The following PSMB2 variants were observed in gnomAD, a reference collection of about 807,000 sequenced individuals.
PSMB2 encodes proteasome subunit beta type-2.
A neutral mutation model predicts 25.7 loss-of-function variants in PSMB2; 13 were observed. The ratio of observed to expected loss-of-function variants is 0.51; its 90% CI spans 0.33 to 0.80. PSMB2 has a LOEUF of 0.80. Among genes scored for constraint, PSMB2 ranks in the 30% least tolerant of loss-of-function variants. The pLI is 0.02. For synonymous variants in PSMB2, 87 were observed against 96.2 expected, an observed-to-expected ratio of 0.90 and a Z score of 0.56; for missense variants, 202 against 259.0, an observed-to-expected ratio of 0.78 and a Z score of 1.51.
chr1:35,616,684 A>T (rs1252259006), intron 3 of PSMB2, among the ~76,000 whole-genome samples: 1 of 152,252 alleles, frequency 6.6e-6, no homozygotes, highest in East Asian at 1.9e-4. Flanking sequence ...CCAACACCTT[A>T]ACTGCTTTGC....
At chr1:35,628,573 T>C (rs1444629393) in intron 3 of PSMB2, among the ~76,000 whole-genome samples, 1 of 28,000 alleles carries the variant, frequency 3.6e-5, no homozygotes, top group Non-Finnish European at 6.0e-5. Context: ...ATGACTTTCT[T>C]GGAAGAAAAA....
chr1:35,619,603 A>T (rs903455659), intron 3 of PSMB2, among the ~76,000 whole-genome samples: 2 of 152,240 alleles, frequency 1.3e-5, no homozygotes, highest in African/African-American at 4.8e-5. Context: ...AACCAAAAAA[A>T]TTTAAATATT....
intron 3 of PSMB2, among the ~76,000 whole-genome samples, chr1:35,617,829 A>T (rs1464384923): frequency 6.6e-6 from 1 of 152,180 alleles, no homozygotes; most frequent in Non-Finnish European, 1.5e-5. Context: ...CTCCTAAAGA[A>T]TATTTACATT....
At position 35,631,625 on chromosome 1, in the gene PSMB2, C is replaced by A. The variant is rs552806458; in HGVS notation, c.215-281G>T. The A allele has an allele frequency of 3.8e-5, 21 of 558,150 alleles. No individual in the cohort carries two copies. The East Asian group carries it at 1.1e-3, about 29-fold the overall frequency. The allele number at this position is 558,150 out of a possible 1,614,324, so 34.6% of individuals were successfully genotyped here. On this transcript the variant is annotated intron_variant, in intron 2 of 5. Transcript: ENST00000373237. ...TGCTTAAACTATTCATTCATCAACA[C>A]ACTGTGGTTTCTGCCGTAGAAGGAA... is the stretch of plus-strand genomic sequence containing the variant.
chr1:35,611,020 C>T (rs1650314111), intron 3 of PSMB2, among the ~76,000 whole-genome samples: 1 of 152,072 alleles, frequency 6.6e-6, no homozygotes, highest in Non-Finnish European at 1.5e-5. Flanking sequence ...GCGCCATTTA[C>T]CATGTTAAAT....
At chr1:35,607,882 T>C (rs1018533656) in intron 4 of PSMB2, among the ~76,000 whole-genome samples, 1 of 152,152 alleles carries the variant, frequency 6.6e-6, no homozygotes, top group Non-Finnish European at 1.5e-5. Context: ...AAGGAAATAC[T>C]GTCATTCAAC....
At position 35,603,197 on chromosome 1, in the gene PSMB2, A is replaced by G. The variant is rs1232353686; in HGVS notation, c.*70T>C. On this transcript the variant is annotated 3_prime_UTR_variant, in exon 6 of 6. Transcript: ENST00000373237. ...AACCATTTATCAAGAGTGCGCCTGAAAAGAGTAGAAAAAAATAAAGGAGCC... is the reference window on the plus strand; with the variant it reads ...AACCATTTATCAAGAGTGCGCCTGAGAAGAGTAGAAAAAAATAAAGGAGCC... 8.3e-6 allele frequency: 13 copies of G among 1,568,736 alleles called. No homozygotes were observed. The highest frequency in any genetic ancestry group is 1.1e-5 in the Non-Finnish European group (13 of 1,163,246).
chr1:35,632,926 T>TA (rs1321598130), intron 2 of PSMB2, among the ~76,000 whole-genome samples: 10 of 149,882 alleles, frequency 6.7e-5, no homozygotes, highest in African/African-American at 2.5e-4. Context: ...AATAATAATT[T>TA]AAAAAAAGAG....
At chr1:35,630,452 G>A (rs546125485) in intron 3 of PSMB2, among the ~76,000 whole-genome samples, 5 of 152,282 alleles carry the variant, frequency 3.3e-5, no homozygotes, top group Admixed American at 6.5e-5. Context: ...TCCTTCAGTA[G>A]GTGAATGGAT....
intron 1 of PSMB2, among the ~76,000 whole-genome samples, chr1:35,637,202 C>A (rs1419331811): frequency 6.6e-6 from 1 of 152,138 alleles, no homozygotes; most frequent in Non-Finnish European, 1.5e-5. Context: ...ATGAAAAGGA[C>A]TGGTGCTATA....
Position 35,601,302 on chromosome 1 carries a change from C to T in PSMB2, c.*1965G>A, listed in dbSNP as rs193299800. 35 of 886,980 alleles carry T rather than the reference C, an allele frequency of 3.9e-5. 1 individual carries two copies. In the East Asian group the frequency reaches 2.3e-3, roughly 58 times the overall value. 54.9% of individuals were successfully genotyped at this position (886,980 alleles called of 1,614,324 possible). ...GCCAGGCTGGTCTTGAACTCCTGACCTCAGGTGATCCGCCCGCCTCGGCGG... is the reference window on the plus strand; with the variant it reads ...GCCAGGCTGGTCTTGAACTCCTGACTTCAGGTGATCCGCCCGCCTCGGCGG... On this transcript the variant is annotated 3_prime_UTR_variant, in exon 6 of 6. Transcript: ENST00000373237.
At chr1:35,611,065 GAC>G (rs1434625096) in intron 3 of PSMB2, among the ~76,000 whole-genome samples, 2 of 152,136 alleles carry the variant, frequency 1.3e-5, no homozygotes, top group Non-Finnish European at 2.9e-5. Context: ...TCAGGGGTGG[GAC>G]TTCCATTTTA....
Position 35,631,276 on chromosome 1 carries a change from G to C in PSMB2, c.283C>G (p.Arg95Gly). 6.2e-7 allele frequency: 1 copy of C among 1,613,458 alleles called. No homozygotes were observed. Among genetic ancestry groups the C allele is most frequent in the African/African-American group, 1.3e-5 (1 of 75,018 alleles). Reference protein sequence around the residue: ...RRNLADCLRSRTPYHVNLLLA... With the variant: ...RRNLADCLRSGTPYHVNLLLA... ...ACAATGTCTGATATATTACTTACCCGACTCCGAAGACAGTCAGCCAGGTTT... is the reference window on the plus strand; with the variant it reads ...ACAATGTCTGATATATTACTTACCCCACTCCGAAGACAGTCAGCCAGGTTT... Residue 95 changes from arginine to glycine, a missense_variant and splice_region_variant, in exon 3 of 6, where the codon CGG (arginine) becomes GGG (glycine). Arg to Gly is a moderately radical substitution (Grantham distance 125, BLOSUM62 -2). Transcript: ENST00000373237.
intron 1 of PSMB2, among the ~76,000 whole-genome samples, chr1:35,640,873 G>A (rs1651372313): frequency 6.6e-6 from 1 of 152,188 alleles, no homozygotes. Context: ...GCAGAGCACT[G>A]ACCCAGGAGC....
At chr1:35,621,321 T>C (rs984241249) in intron 3 of PSMB2, among the ~76,000 whole-genome samples, 2 of 152,334 alleles carry the variant, frequency 1.3e-5, no homozygotes, top group African/African-American at 2.4e-5. Context: ...ATTGACTGTT[T>C]ACTCCTCCAT....
At chr1:35,609,445 C>T (rs1650268914) in intron 3 of PSMB2, 37 bp from the exon 4 acceptor site, 9 of 1,419,412 alleles carry the variant, frequency 6.3e-6, no homozygotes, top group Non-Finnish European at 8.4e-6. Flanking sequence ...ATAACTAAAG[C>T]AGAACACCAA....
Position 35,602,922 on chromosome 1 carries a change from G to T in PSMB2, c.*345C>A, listed in dbSNP as rs1057093505. ...AAGGGCAAAAAGAACCACTACTTTA[G>T]AGAGAATGGAGATACTAGCAAGTAA... On this transcript the variant is annotated 3_prime_UTR_variant, in exon 6 of 6. Transcript: ENST00000373237. 6.9e-6 allele frequency: 7 copies of T among 1,019,862 alleles called. No individual in the cohort carries two copies. In the Admixed American group the frequency reaches 1.5e-4, roughly 22 times the overall value. The allele number at this position is 1,019,862 out of a possible 1,614,324, so 63.2% of individuals were successfully genotyped here.
intron 1 of PSMB2, 149 bp downstream of exon 1, chr1:35,641,193 A>AAAAT (rs1339274913): frequency 1.8e-5 from 19 of 1,083,380 alleles, no homozygotes; most frequent in Admixed American, 5.7e-5. Context: ...CCCTCTCGAA[A>AAAAT]AAATAAATAA....
chr1:35,638,706 T>C (rs557275672), intron 1 of PSMB2, among the ~76,000 whole-genome samples: 1 of 152,074 alleles, frequency 6.6e-6, no homozygotes, highest in Non-Finnish European at 1.5e-5. Flanking sequence ...CAATTCTACA[T>C]AGGCCAAGAG....
Sources: gnomAD v4.1 joint callset for allele counts (sites outside exome capture counted in the v4.1 genomes callset) on GRCh38, gnomAD v4.1.1 for gene constraint, MANE v1.5 for transcripts, NCBI Gene and HGNC (gene_info 2026-07-23, HGNC 2026-07-21) for gene names.